Variants in KANK1 observed in about 807,000 individuals in gnomAD.
KANK1 encodes KN motif and ankyrin repeat domain-containing protein 1.
In KANK1, 109 loss-of-function variants were observed where a neutral mutation model predicts 106.2. The observed-to-expected ratio is 1.03, with a 90% confidence interval of 0.88 to 1.20. KANK1 has a LOEUF of 1.20. Ranked by LOEUF, KANK1 falls within the 50% of genes most tolerant of loss-of-function variation. The probability of loss-of-function intolerance (pLI) is 0.00; values close to 1 mark genes in which losing one functional copy is unlikely to be tolerated. For synonymous variants in KANK1, 873 were observed against 652.2 expected, an observed-to-expected ratio of 1.34 and a Z score of -5.16; for missense variants, 2,399 against 1,710.7, an observed-to-expected ratio of 1.40 and a Z score of -7.10.
chr9:588,664 A>C (rs1450132808), intron 1 of KANK1, among the ~76,000 whole-genome samples: 1 of 152,160 alleles, frequency 6.6e-6, no homozygotes, highest in Admixed American at 6.5e-5. Context: ...CTAATGCTGT[A>C]GTAGTCATGA....
intron 3 of KANK1, among the ~76,000 whole-genome samples, chr9:716,332 CGTT>C (rs899735290): frequency 4.6e-5 from 7 of 152,234 alleles, no homozygotes; most frequent in Admixed American, 2.0e-4. Flanking sequence ...AGTTGGCTGA[CGTT>C]GTTGTTATGG....
At chr9:693,417 T>C (rs1205380228) in intron 2 of KANK1, 2 of 985,302 alleles carry the variant, frequency 2.0e-6, no homozygotes, top group Non-Finnish European at 2.4e-6. Context: ...TCTGATTTCT[T>C]CCTAGAATTA....
intron 1 of KANK1, among the ~76,000 whole-genome samples, chr9:530,091 A>G (rs1446956757): frequency 6.6e-6 from 1 of 152,164 alleles, no homozygotes; most frequent in Non-Finnish European, 1.5e-5. Flanking sequence ...CGAACTGTTC[A>G]TATCCTTTGC....
chr9:526,758 T>C (rs1037563444), intron 1 of KANK1, among the ~76,000 whole-genome samples: 1 of 151,652 alleles, frequency 6.6e-6, no homozygotes, highest in Non-Finnish European at 1.5e-5. Flanking sequence ...ATGCTGATAT[T>C]TGACTGCTTT....
In KANK1 at chr9:607,655, C is replaced by A. The variant is rs574018698; in HGVS notation, c.-83-69235C>A. On this transcript the variant is annotated intron_variant, in intron 1 of 11. Coordinates refer to ENST00000382297, the MANE Select transcript of KANK1 (RefSeq NM_015158.5). Reference sequence around the variant, plus strand: ...GCCTCACCCAGTCCAGGACGGCTAGCCTTGTTCTCTTCACCCAGCCCAGCA... The same window carrying A: ...GCCTCACCCAGTCCAGGACGGCTAGACTTGTTCTCTTCACCCAGCCCAGCA... Among the ~76,000 whole-genome samples, 8 of 151,788 alleles carry A rather than the reference C, an allele frequency of 5.3e-5. No individual in the cohort carries two copies. The South Asian group carries it at 1.0e-3, about 20-fold the overall frequency.
intron 1 of KANK1, among the ~76,000 whole-genome samples, chr9:588,038 C>T (rs1823937399): frequency 6.6e-6 from 1 of 150,642 alleles, no homozygotes; most frequent in Non-Finnish European, 1.5e-5. Context: ...TGCACTCTAG[C>T]CTGGGTGACA....
intron 1 of KANK1, among the ~76,000 whole-genome samples, chr9:632,375 G>C (rs542165494): frequency 1.3e-5 from 2 of 152,098 alleles, no homozygotes; most frequent in Non-Finnish European, 1.5e-5. Flanking sequence ...GGAATCAGTG[G>C]TTTAGTAATT....
intron 1 of KANK1, among the ~76,000 whole-genome samples, chr9:578,885 G>A (rs980014949): frequency 5.3e-5 from 8 of 152,056 alleles, no homozygotes; most frequent in African/African-American, 9.7e-5. Flanking sequence ...ATCCCATCTC[G>A]AAGATGACGA....
chr9:577,093 T>C (rs1820763750), intron 1 of KANK1, among the ~76,000 whole-genome samples: 1 of 152,144 alleles, frequency 6.6e-6, no homozygotes, highest in South Asian at 2.1e-4. Flanking sequence ...ATGAAGGTAG[T>C]GCAGACCCAA....
intron 2 of KANK1, among the ~76,000 whole-genome samples, chr9:701,434 A>C (rs1016346933): frequency 3.9e-5 from 6 of 152,102 alleles, no homozygotes; most frequent in Admixed American, 6.6e-5. Context: ...CCAAAATTTC[A>C]GTTGCTATCT....
intron 4 of KANK1, 166 bp downstream of exon 4, chr9:730,414 G>T (rs889762654): frequency 1.3e-6 from 1 of 743,956 alleles, no homozygotes; most frequent in African/African-American, 1.8e-5. Flanking sequence ...CAAAGAGGCC[G>T]GGCATGGTGG....
intron 1 of KANK1, among the ~76,000 whole-genome samples, chr9:675,670 A>T (rs904736376): frequency 6.6e-6 from 1 of 152,096 alleles, no homozygotes; most frequent in Non-Finnish European, 1.5e-5. Flanking sequence ...TCATTTTGTT[A>T]CTGGAAAGGG....
chr9:709,256 T>G (rs1001648679), intron 2 of KANK1, among the ~76,000 whole-genome samples: 14 of 152,216 alleles, frequency 9.2e-5, no homozygotes, highest in Non-Finnish European at 1.3e-4. Flanking sequence ...TTGAAGTCTT[T>G]CCTCTGTGTG....
intron 1 of KANK1, among the ~76,000 whole-genome samples, chr9:669,694 G>A (rs1192790229): frequency 1.3e-5 from 2 of 151,904 alleles, no homozygotes; most frequent in Non-Finnish European, 2.9e-5. Context: ...ATTATTATAT[G>A]CCTTGGGTGT....
intron 1 of KANK1, among the ~76,000 whole-genome samples, chr9:532,655 A>G (rs138246341): frequency 3.9e-5 from 6 of 152,250 alleles, no homozygotes; most frequent in African/African-American, 1.2e-4. Context: ...GTCTTCACCA[A>G]GCTACTTGGC....
At chr9:479,003 C>T (rs570104825) in intron 3 of KANK1, among the ~76,000 whole-genome samples, 1 of 150,890 alleles carries the variant, frequency 6.6e-6, no homozygotes, top group East Asian at 1.9e-4. Flanking sequence ...CTGCAACCTT[C>T]GCCTCCTGGG....
intron 1 of KANK1, among the ~76,000 whole-genome samples, chr9:589,073 A>G (rs1002328786): frequency 3.9e-5 from 6 of 152,222 alleles, no homozygotes; most frequent in African/African-American, 1.4e-4. Flanking sequence ...TCCGTGACTC[A>G]GTTGATGCTG....
chr9:634,482 C>T (rs975727504), intron 1 of KANK1, among the ~76,000 whole-genome samples: 4 of 152,158 alleles, frequency 2.6e-5, no homozygotes, highest in Non-Finnish European at 5.9e-5. Context: ...GGGGAAGTCA[C>T]AAACCTTGCA....
chr9:616,377 C>T (rs1189006821), intron 1 of KANK1, among the ~76,000 whole-genome samples: 1 of 152,162 alleles, frequency 6.6e-6, no homozygotes, highest in African/African-American at 2.4e-5. Flanking sequence ...GAATGGACAT[C>T]CTGAACACCA....
Sources: gnomAD v4.1 joint callset for allele counts (sites outside exome capture counted in the v4.1 genomes callset) on GRCh38, gnomAD v4.1.1 for gene constraint, MANE v1.5 for transcripts, NCBI Gene and HGNC (gene_info 2026-07-23, HGNC 2026-07-21) for gene names.